The following DSCAML1 variants were observed in gnomAD, a reference collection of about 807,000 sequenced individuals.
DSCAML1 encodes the protein DS cell adhesion molecule like 1, also known as cell adhesion molecule DSCAML1.
Under a neutral mutation model 200.5 loss-of-function variants are expected in DSCAML1, and 38 were observed. The ratio of observed to expected loss-of-function variants is 0.19; its 90% CI spans 0.15 to 0.25. The LOEUF (loss-of-function observed/expected upper bound fraction) is 0.25, where lower values mean the gene tolerates loss of function less well. Ranked by LOEUF, DSCAML1 falls within the 10% of genes least tolerant of loss-of-function variation. The pLI, the probability that DSCAML1 is intolerant of heterozygous loss-of-function variation, is 1.00. For missense variants in DSCAML1, 2,223 were observed against 2,858.8 expected, an observed-to-expected ratio of 0.78 and a Z score of 5.07; for synonymous variants, 1,215 against 1,165.0, an observed-to-expected ratio of 1.04 and a Z score of -0.87.
intron 3 of DSCAML1, among the ~76,000 whole-genome samples, chr11:117,535,569 G>T (rs191490790): frequency 5.9e-5 from 9 of 152,216 alleles, no homozygotes; most frequent in Admixed American, 2.6e-4. Flanking sequence ...AACCGAGGAA[G>T]CACGGAGAAA....
At chr11:117,744,098 T>C (rs775522340) in intron 3 of DSCAML1, among the ~76,000 whole-genome samples, 5 of 152,226 alleles carry the variant, frequency 3.3e-5, no homozygotes, top group Non-Finnish European at 7.3e-5. Context: ...TAATGATTGT[T>C]TGCCATGTGC....
At chr11:117,697,640 C>T (rs1437309048) in intron 3 of DSCAML1, among the ~76,000 whole-genome samples, 1 of 152,044 alleles carries the variant, frequency 6.6e-6, no homozygotes, top group East Asian at 1.9e-4. Flanking sequence ...TATTTTCTGT[C>T]TCTAGGAATT....
At chr11:117,640,021 C>T (rs1033539797) in intron 3 of DSCAML1, among the ~76,000 whole-genome samples, 3 of 152,130 alleles carry the variant, frequency 2.0e-5, no homozygotes, top group African/African-American at 7.2e-5. Context: ...GGTGGGTGGG[C>T]TCGTGGAATG....
Position 117,439,808 on chromosome 11 carries a change from C to G in DSCAML1, c.3980+11G>C. Reference sequence around the variant, plus strand: ...GGGGCCACCCCATCCCTCCACTGTCCCGACACACACCTGTCCTTGGTCCAC... The same window carrying G: ...GGGGCCACCCCATCCCTCCACTGTCGCGACACACACCTGTCCTTGGTCCAC... On this transcript the variant is annotated intron_variant, in intron 22 of 32. Transcript: ENST00000651296. 1 of 1,611,742 alleles carries G rather than the reference C, an allele frequency of 6.2e-7. No homozygotes were observed. Among genetic ancestry groups the G allele is most frequent in the Non-Finnish European group, 8.5e-7 (1 of 1,177,964 alleles).
At chr11:117,668,047 G>A (rs2053016612) in intron 3 of DSCAML1, among the ~76,000 whole-genome samples, 1 of 152,114 alleles carries the variant, frequency 6.6e-6, no homozygotes, top group Non-Finnish European at 1.5e-5. Context: ...TTATACACAT[G>A]GTCCCCTTTA....
intron 3 of DSCAML1, among the ~76,000 whole-genome samples, chr11:117,626,080 C>T (rs1201161067): frequency 6.6e-6 from 1 of 152,138 alleles, no homozygotes; most frequent in Non-Finnish European, 1.5e-5. Flanking sequence ...GGGACATTGC[C>T]CCATTATCTG....
chr11:117,487,327 CAT>C (rs564185792), intron 11 of DSCAML1, among the ~76,000 whole-genome samples: 264 of 152,064 alleles, frequency 1.7e-3, no homozygotes, highest in African/African-American at 5.9e-3. Context: ...TTTTTTTGAA[CAT>C]GTGACAGAGA....
In DSCAML1 at chr11:117,505,859, G is replaced by A. The variant is rs2049486246; in HGVS notation, c.1784-127C>T. 1.7e-6 allele frequency: 2 copies of A among 1,176,972 alleles called. No individual in the cohort carries two copies. The highest frequency in any genetic ancestry group is 3.1e-5 in the African/African-American group (2 of 64,808). 72.9% of individuals were successfully genotyped at this position (1,176,972 alleles called of 1,614,324 possible). A position where few individuals can be genotyped will look rare whatever the true frequency, so the allele number is the denominator to read the frequency against. ...AACAAAGATCCCCTGGGGCACTGCA[G>A]CCTTGTTCTCCTATGCATGCAGGGT... On this transcript the variant is annotated intron_variant, in intron 8 of 32. Transcript: ENST00000651296. The surrounding 1 kb of genome is among the most constrained non-coding windows in gnomAD (Gnocchi z 6.7).
intron 3 of DSCAML1, among the ~76,000 whole-genome samples, chr11:117,728,432 C>G (rs2054168478): frequency 1.3e-5 from 2 of 152,062 alleles, no homozygotes; most frequent in African/African-American, 4.8e-5. Flanking sequence ...GAGGTTCTCA[C>G]CGGGGCAATT....
intron 3 of DSCAML1, among the ~76,000 whole-genome samples, chr11:117,586,644 G>A (rs1252552661): frequency 6.6e-6 from 1 of 152,220 alleles, no homozygotes; most frequent in Non-Finnish European, 1.5e-5. Flanking sequence ...GCCCAGTAGT[G>A]AGGGGCTGGG....
At chr11:117,775,932 C>G (rs1432260570) in intron 3 of DSCAML1, among the ~76,000 whole-genome samples, 1 of 152,080 alleles carries the variant, frequency 6.6e-6, no homozygotes. Flanking sequence ...TCAGAGATCA[C>G]CTGGTCAAGC....
Position 117,553,653 on chromosome 11 carries a change from A to T in DSCAML1, c.512-21131T>A, listed in dbSNP as rs144621241. On this transcript the variant is annotated intron_variant, in intron 3 of 32. Transcript: ENST00000651296. ...CAGAAAATAACAAGTGTTGGCAAGG[A>T]TGTGGCAAAATTGAAATCCTCGTGC... Among the ~76,000 whole-genome samples the T allele has an allele frequency of 6.3e-4, 96 of 152,352 alleles. 2 individuals carry two copies. The highest frequency in any genetic ancestry group is 5.8e-3 in the Admixed American group (89 of 15,310).
rs1017976051 is a variant in DSCAML1, at chr11:117,437,303, G to A, written c.4539C>T (p.Ile1513=). ...TCCCCTTGGGCCGGTACTCCAGAACGATGGCTGTGATAGGGCAGCCCCCAT... is the reference window on the plus strand; with the variant it reads ...TCCCCTTGGGCCGGTACTCCAGAACAATGGCTGTGATAGGGCAGCCCCCAT... ...WNNGGCPITA[I]VLEYRPKGTW... The change falls in exon 26 of 33, where the codon ATC becomes ATT. Residue 1513 remains isoleucine (I), a synonymous_variant. Transcript: ENST00000651296. This position sits in a 1 kb window ranked among gnomAD's most constrained non-coding sequence, Gnocchi z 5.3. 2 of 1,614,266 alleles carry A rather than the reference G, an allele frequency of 1.2e-6. No homozygotes were observed. Among genetic ancestry groups the A allele is most frequent in the Admixed American group, 1.7e-5 (1 of 60,034 alleles).
intron 3 of DSCAML1, among the ~76,000 whole-genome samples, chr11:117,551,159 G>A (rs577211796): frequency 3.3e-5 from 5 of 152,306 alleles, no homozygotes; most frequent in Non-Finnish European, 5.9e-5. Flanking sequence ...CCCTAAAAAC[G>A]TGTAAAGAAA....
chr11:117,691,188 T>C (rs1184373785), intron 3 of DSCAML1, among the ~76,000 whole-genome samples: 4 of 152,200 alleles, frequency 2.6e-5, no homozygotes. Flanking sequence ...GATGACGTGT[T>C]ACGTGAGGAA....
chr11:117,602,037 G>T (rs2051475095), intron 3 of DSCAML1, among the ~76,000 whole-genome samples: 2 of 152,350 alleles, frequency 1.3e-5, no homozygotes, highest in Non-Finnish European at 2.9e-5. Flanking sequence ...AACCTGCAAA[G>T]CCCAAGCTTG....
chr11:117,471,973 A>G lies in DSCAML1; in HGVS notation c.2849T>C (p.Val950Ala). The G allele has an allele frequency of 6.2e-7, 1 of 1,614,148 alleles. No homozygotes were observed. Among genetic ancestry groups the G allele is most frequent in the Non-Finnish European group, 8.5e-7 (1 of 1,180,018 alleles). ...ISPTINQANI[V>A]DLHPASVYSI... ...GTACACAGATGCCGGGTGCAAGTCC[A>G]CAATGTTGGCCTGGTTGATGGTGGG... The change falls in exon 15 of 33, where the codon GTG becomes GCG. Residue 950 changes from valine (V) to alanine (A), a missense_variant. Coordinates refer to ENST00000651296, the MANE Select transcript of DSCAML1 (RefSeq NM_020693.4).
intron 21 of DSCAML1, among the ~76,000 whole-genome samples, chr11:117,441,293 A>G (rs2048041332): frequency 6.6e-6 from 1 of 152,216 alleles, no homozygotes; most frequent in Non-Finnish European, 1.5e-5. Context: ...TCCACAGTGC[A>G]GCCACAGCTG....
chr11:117,761,661 A>G (rs2054804960), intron 3 of DSCAML1, among the ~76,000 whole-genome samples: 1 of 152,214 alleles, frequency 6.6e-6, no homozygotes, highest in South Asian at 2.1e-4. Context: ...ACTGTAGTCG[A>G]GGAGTTCAAG....
Sources: gnomAD v4.1 joint callset for allele counts (sites outside exome capture counted in the v4.1 genomes callset) on GRCh38, gnomAD v4.1.1 for gene constraint, Gnocchi (gnomAD v3.1) non-coding constraint, MANE v1.5 for transcripts, NCBI Gene and HGNC (gene_info 2026-07-23, HGNC 2026-07-21) for gene names.